GTPBP10: variants seen among roughly 807,000 people sequenced by gnomAD.
GTPBP10 encodes the protein GTP-binding protein 10.
A neutral mutation model predicts 44.8 loss-of-function variants in GTPBP10; 38 were observed. The observed-to-expected ratio is 0.85, with a 90% CI of 0.65 to 1.11. The LOEUF (loss-of-function observed/expected upper bound fraction) is 1.11. GTPBP10 is among the 50% of genes most tolerant of loss of function. The pLI, the probability that GTPBP10 is intolerant of heterozygous loss-of-function variation, is 0.00. For synonymous variants in GTPBP10, 152 were observed against 150.6 expected, an observed-to-expected ratio of 1.01 and a Z score of -0.07; for missense variants, 462 against 453.7, an observed-to-expected ratio of 1.02 and a Z score of -0.17.
chr7:90,354,564 A>C lies in GTPBP10; in HGVS notation c.319+15A>C. On this transcript the variant is annotated intron_variant, in intron 3 of 9. Coordinates refer to ENST00000222511, the MANE Select transcript of GTPBP10 (RefSeq NM_033107.4). ...TAAAATTATAGGTGAGTGTACTATA[A>C]CTCCAAAAGTTGTAAAAATGTGCAC... 7.4e-7 allele frequency: 1 copy of C among 1,348,548 alleles called. No homozygotes were observed. Among genetic ancestry groups the C allele is most frequent in the Admixed American group, 2.3e-5 (1 of 43,880 alleles). 83.5% of individuals were successfully genotyped at this position (1,348,548 alleles called of 1,614,324 possible). A position where few individuals can be genotyped will look rare whatever the true frequency, so the allele number is the denominator to read the frequency against.
chr7:90,360,655 GTT>G (rs1433902883), intron 4 of GTPBP10, among the ~76,000 whole-genome samples: 1 of 152,128 alleles, frequency 6.6e-6, no homozygotes, highest in South Asian at 2.1e-4. Context: ...CTTTAAAGTA[GTT>G]TTTTCCAATT....
At chr7:90,367,672 G>A (rs1584638510) in intron 4 of GTPBP10, among the ~76,000 whole-genome samples, 1 of 152,090 alleles carries the variant, frequency 6.6e-6, no homozygotes, top group Non-Finnish European at 1.5e-5. Context: ...GCCTGTGTGT[G>A]TCTTTGCACA....
At chr7:90,352,324 A>G (rs1396209299) in intron 1 of GTPBP10, among the ~76,000 whole-genome samples, 1 of 152,250 alleles carries the variant, frequency 6.6e-6, no homozygotes, top group Non-Finnish European at 1.5e-5. Context: ...TTATGTTAAC[A>G]TTTATTTTTG....
intron 8 of GTPBP10, among the ~76,000 whole-genome samples, chr7:90,379,792 A>C (rs1223323021): frequency 6.6e-6 from 1 of 152,178 alleles, no homozygotes; most frequent in East Asian, 1.9e-4. Context: ...TCCCACCATC[A>C]ATGTATGTTC....
At chr7:90,354,610 G>T in intron 3 of GTPBP10, 61 bp downstream of exon 3, 1 of 804,620 alleles carries the variant, frequency 1.2e-6, no homozygotes, top group Non-Finnish European at 2.0e-6. Context: ...ATGAAACAAT[G>T]GAATAGCTTC....
chr7:90,376,529 G>T (rs959531034), intron 6 of GTPBP10, among the ~76,000 whole-genome samples: 2 of 152,162 alleles, frequency 1.3e-5, no homozygotes, highest in African/African-American at 2.4e-5. Flanking sequence ...ATAGAACTCT[G>T]CTCCTCATGT....
intron 8 of GTPBP10, 65 bp downstream of exon 8, chr7:90,378,276 A>G: frequency 6.6e-7 from 1 of 1,513,434 alleles, no homozygotes; most frequent in South Asian, 1.2e-5. Flanking sequence ...GACTATATGA[A>G]ATAACATAAT....
chr7:90,364,547 G>A (rs781455147), intron 4 of GTPBP10, among the ~76,000 whole-genome samples: 1 of 152,174 alleles, frequency 6.6e-6, no homozygotes, highest in Non-Finnish European at 1.5e-5. Context: ...CCCTTACTGG[G>A]GGTTGCCTCC....
At chr7:90,348,099 C>T (rs1795716484) in intron 1 of GTPBP10, among the ~76,000 whole-genome samples, 1 of 151,906 alleles carries the variant, frequency 6.6e-6, no homozygotes, top group African/African-American at 2.4e-5. Context: ...TAGTCCCAGC[C>T]ATTTGGGAGG....
At chr7:90,376,422 G>C (rs929071217) in intron 6 of GTPBP10, among the ~76,000 whole-genome samples, 7 of 152,128 alleles carry the variant, frequency 4.6e-5, no homozygotes, top group Non-Finnish European at 2.9e-5. Flanking sequence ...TTTGTCGAGT[G>C]CTGTTTCACC....
intron 1 of GTPBP10, among the ~76,000 whole-genome samples, chr7:90,349,564 A>C (rs1232815209): frequency 6.6e-6 from 1 of 152,188 alleles, no homozygotes; most frequent in Non-Finnish European, 1.5e-5. Flanking sequence ...CTTATCCAAC[A>C]AAGACTGGCA....
In GTPBP10 at chr7:90,371,468, G is replaced by A. The variant is rs185737906; in HGVS notation, c.465-687G>A. On this transcript the variant is annotated intron_variant, in intron 4 of 9. Transcript: ENST00000222511. ...GCCAATTTTTTGCAGACAATAGAGGGAAAAAGAGCATGTTAAGTGTCCATG... is the reference window on the plus strand; with the variant it reads ...GCCAATTTTTTGCAGACAATAGAGGAAAAAAGAGCATGTTAAGTGTCCATG... Among the ~76,000 whole-genome samples the A allele has an allele frequency of 9.1e-3, 1,393 of 152,264 alleles. 11 individuals are homozygous for A. Among genetic ancestry groups the A allele is most frequent in the Non-Finnish European group, 0.014 (976 of 68,018 alleles).
At chr7:90,380,806 A>G (rs1261433920) in intron 8 of GTPBP10, among the ~76,000 whole-genome samples, 1 of 152,068 alleles carries the variant, frequency 6.6e-6, no homozygotes, top group Non-Finnish European at 1.5e-5. Context: ...TTCCTCCCCC[A>G]AGCACCCTGG....
chr7:90,353,076 A>C, intron 2 of GTPBP10, 67 bp downstream of exon 2: 1 of 1,031,156 alleles, frequency 9.7e-7, no homozygotes, highest in African/African-American at 1.6e-5. Flanking sequence ...TTTTTTAGTT[A>C]CAAAATAAAA....
rs373514101 is a variant in GTPBP10 at position 90,346,736 on chromosome 7, G to A, written c.-6G>A. The A allele has an allele frequency of 3.1e-6, 5 of 1,614,218 alleles. No individual in the cohort carries two copies. The highest frequency in any genetic ancestry group is 3.4e-6 in the Non-Finnish European group (4 of 1,180,028). On this transcript the variant is annotated 5_prime_UTR_variant, in exon 1 of 10. Transcript: ENST00000222511. ...CCGCAAGAAGGTTTCCTGGCCTGTT[G>A]CAGCCATGGTGCATTGCAGTTGCGT...
chr7:90,349,722 C>G (rs781149819), intron 1 of GTPBP10, among the ~76,000 whole-genome samples: 5 of 152,142 alleles, frequency 3.3e-5, no homozygotes, highest in Admixed American at 6.5e-5. Flanking sequence ...CCCTTCTCTT[C>G]CTTACTAATG....
rs780018816 is a variant in GTPBP10, at chr7:90,374,305, C to A, written c.542C>A (p.Thr181Lys). ...AKPAIADYAF[T>K]TLKPELGKIM... ...TTATTGCTGTGTTTCCTTTTAGTTA[C>A]AACATTAAAGCCTGAACTTGGAAAG... is the stretch of plus-strand genomic sequence containing the variant. The change falls in exon 6 of 10, where the codon ACA becomes AAA. Residue 181 changes from threonine to lysine, a missense_variant. By Grantham distance (78) the Thr-to-Lys change is moderately conservative. Transcript: ENST00000222511. 1 of 1,593,998 alleles carries A rather than the reference C, an allele frequency of 6.3e-7. No individual in the cohort carries two copies. The highest frequency in any genetic ancestry group is 8.6e-7 in the Non-Finnish European group (1 of 1,162,840).
At chr7:90,380,289 G>A (rs934761719) in intron 8 of GTPBP10, among the ~76,000 whole-genome samples, 1 of 152,056 alleles carries the variant, frequency 6.6e-6, no homozygotes, top group Non-Finnish European at 1.5e-5. Context: ...ATGTTGGCCA[G>A]GCTGGTCTTG....
intron 4 of GTPBP10, among the ~76,000 whole-genome samples, chr7:90,357,225 GTC>G (rs1229144056): frequency 5.3e-5 from 8 of 152,076 alleles, no homozygotes; most frequent in Admixed American, 4.6e-4. Flanking sequence ...CTGTTATTCA[GTC>G]ATTAGCATCA....
Sources: gnomAD v4.1 joint callset for allele counts (sites outside exome capture counted in the v4.1 genomes callset) on GRCh38, gnomAD v4.1.1 for gene constraint, MANE v1.5 for transcripts, NCBI Gene and HGNC (gene_info 2026-07-23, HGNC 2026-07-21) for gene names.